WFDC1: variants seen among roughly 807,000 people sequenced by gnomAD.
WFDC1 encodes WAP four-disulfide core domain protein 1.
Under a neutral mutation model 32.9 loss-of-function variants are expected in WFDC1, and 39 were observed. The observed-to-expected ratio is 1.19, with a 90% CI of 0.92 to 1.55. The LOEUF (loss-of-function observed/expected upper bound fraction) is 1.55, where lower values mean the gene tolerates loss of function less well. Among genes scored for constraint, WFDC1 ranks in the 40% most tolerant of loss-of-function variants. The pLI, the probability that WFDC1 is intolerant of heterozygous loss-of-function variation, is 0.00. For synonymous variants in WFDC1, 184 were observed against 137.4 expected (o/e 1.34, Z -2.37); for missense variants, 386 against 309.5 (o/e 1.25, Z -1.85).
At chr16:84,326,763 G>T in intron 5 of WFDC1, 119 bp from the exon 6 acceptor site, 1 of 1,165,958 alleles carries the variant, frequency 8.6e-7, no homozygotes, top group East Asian at 2.4e-5. Flanking sequence ...GACCTCAGCT[G>T]GGGGAGGGAG....
intron 6 of WFDC1, 60 bp from the exon 7 acceptor site, chr16:84,329,259 CCTT>C (rs1349796097): frequency 6.6e-6 from 1 of 152,170 alleles, no homozygotes; most frequent in Admixed American, 6.5e-5. Flanking sequence ...TCACCCTGAC[CCTT>C]CTTTGTCTCT....
At chr16:84,307,241 G>C (rs1267605629) in intron 1 of WFDC1, among the ~76,000 whole-genome samples, 1 of 152,192 alleles carries the variant, frequency 6.6e-6, no homozygotes, top group Non-Finnish European at 1.5e-5. Flanking sequence ...ATAAATTGGA[G>C]GGTAAGCTGT....
chr16:84,325,206 CT>C (rs112261493), intron 5 of WFDC1, among the ~76,000 whole-genome samples: 99,975 of 136,250 alleles, frequency 0.73, 36,648 homozygotes, highest in Non-Finnish European at 0.8. Flanking sequence ...ACCCATCTAC[CT>C]TTTTTTTTTT....
chr16:84,324,759 T>C (rs1462128789), intron 5 of WFDC1, among the ~76,000 whole-genome samples: 1 of 152,120 alleles, frequency 6.6e-6, no homozygotes, highest in Non-Finnish European at 1.5e-5. Context: ...CACTCTTCCA[T>C]TCATCCATCT....
chr16:84,312,453 G>A (rs554653511), intron 1 of WFDC1, among the ~76,000 whole-genome samples: 2 of 152,184 alleles, frequency 1.3e-5, no homozygotes, highest in African/African-American at 4.8e-5. Flanking sequence ...TTTATTTTCT[G>A]AGATGTAGCG....
rs746259538 is a variant in WFDC1 at position 84,319,466 on chromosome 16, C to T, written c.457C>T (p.Pro153Ser). 5.6e-6 allele frequency: 9 copies of T among 1,612,068 alleles called. No homozygotes were observed. The highest frequency in any genetic ancestry group is 3.3e-5 in the Admixed American group (2 of 60,012). Reference protein sequence around the residue: ...ACSTTEDGAEPLLCPSGYECH... With the variant: ...ACSTTEDGAESLLCPSGYECH... Reference sequence around the variant, plus strand: ...CAGCACCACGGAGGATGGGGCCGAACCCCTGCTCTGTCCCTCGGGCTATGA... The same window carrying T: ...CAGCACCACGGAGGATGGGGCCGAATCCCTGCTCTGTCCCTCGGGCTATGA... The change falls in exon 4 of 7, where the codon CCC becomes TCC. Residue 153 changes from proline (P) to serine (S), a missense_variant. Coordinates refer to ENST00000219454, the MANE Select transcript of WFDC1 (RefSeq NM_021197.4).
intron 1 of WFDC1, among the ~76,000 whole-genome samples, chr16:84,306,242 C>G (rs115902199): frequency 1.3e-5 from 2 of 152,190 alleles, no homozygotes; most frequent in African/African-American, 2.4e-5. Flanking sequence ...CAAACCCAGA[C>G]GCGTCAGACT....
intron 1 of WFDC1, among the ~76,000 whole-genome samples, chr16:84,306,046 T>TAAC (rs1567653587): frequency 1.5e-5 from 2 of 137,548 alleles, no homozygotes; most frequent in Non-Finnish European, 3.1e-5. Flanking sequence ...ATAATAATAA[T>TAAC]AAAAGGAATA....
intron 1 of WFDC1, among the ~76,000 whole-genome samples, chr16:84,307,045 T>G (rs1907305941): frequency 2.0e-5 from 3 of 150,430 alleles, no homozygotes; most frequent in Admixed American, 6.6e-5. Flanking sequence ...GCAGATATGG[T>G]GGGTGGGCGG....
At position 84,319,579 on chromosome 16, in the gene WFDC1, T is replaced by A. The variant is rs200510047; in HGVS notation, c.562+8T>A. 2.0e-3 allele frequency: 3,263 copies of A among 1,611,360 alleles called. 4 individuals are homozygous for A. The highest frequency in any genetic ancestry group is 2.6e-3 in the Non-Finnish European group (3,034 of 1,179,784). ...AGCAGCGCCGGCAAGCAGGTGAGTG[T>A]GGCACCCCAGCCCTGATCCTGGCTC... On this transcript the variant is annotated splice_region_variant and intron_variant, in intron 4 of 6. Coordinates refer to ENST00000219454, the MANE Select transcript of WFDC1 (RefSeq NM_021197.4).
At chr16:84,328,754 G>T (rs1908749508) in intron 6 of WFDC1, 1 of 131,382 alleles carries the variant, frequency 7.6e-6, no homozygotes, top group Admixed American at 8.0e-5. Flanking sequence ...AGCCCAGCCT[G>T]GCCTGGCCAA....
intron 1 of WFDC1, among the ~76,000 whole-genome samples, chr16:84,308,765 G>A (rs1182755316): frequency 1.3e-5 from 2 of 151,848 alleles, no homozygotes; most frequent in Non-Finnish European, 2.9e-5. Flanking sequence ...GTAGATGCCA[G>A]CCTGGGTGTA....
At chr16:84,315,198 C>T (rs1250053147) in intron 2 of WFDC1, among the ~76,000 whole-genome samples, 2 of 152,222 alleles carry the variant, frequency 1.3e-5, no homozygotes, top group Non-Finnish European at 1.5e-5. Flanking sequence ...TCCCATGGCT[C>T]ACTTCCTTGC....
intron 1 of WFDC1, among the ~76,000 whole-genome samples, chr16:84,310,845 T>C (rs1907573352): frequency 6.6e-6 from 1 of 152,234 alleles, no homozygotes; most frequent in African/African-American, 2.4e-5. Flanking sequence ...CATGGCTGTC[T>C]ACTATTCCAA....
At chr16:84,317,635 C>T (rs1908040146) in intron 2 of WFDC1, 1 of 152,998 alleles carries the variant, frequency 6.5e-6, no homozygotes, top group Non-Finnish European at 1.5e-5. Flanking sequence ...AAACTTCACC[C>T]ATACACCAAA....
chr16:84,311,449 C>G (rs139808377), intron 1 of WFDC1, among the ~76,000 whole-genome samples: 11 of 144,004 alleles, frequency 7.6e-5, no homozygotes, highest in African/African-American at 2.1e-4. Context: ...AGGATGGTCT[C>G]GATCTCCTGA....
intron 1 of WFDC1, among the ~76,000 whole-genome samples, chr16:84,302,221 G>C (rs1906983052): frequency 1.3e-5 from 2 of 152,092 alleles, no homozygotes; most frequent in Non-Finnish European, 2.9e-5. Context: ...AGGAATAGGG[G>C]GCAGCTGTCT....
rs117674108 is a variant in WFDC1 at position 84,310,884 on chromosome 16, A to C, written c.145-2077A>C. Among the ~76,000 whole-genome samples the C allele has an allele frequency of 8.4e-4, 128 of 152,332 alleles. 1 individual carries two copies. The East Asian group carries it at 0.024, about 29-fold the overall frequency. ...GCAGATATGCCCTATGTACTGGGCCAGCACAAGGGGGCCAGATTTTGAATA... is the reference window on the plus strand; with the variant it reads ...GCAGATATGCCCTATGTACTGGGCCCGCACAAGGGGGCCAGATTTTGAATA... On this transcript the variant is annotated intron_variant, in intron 1 of 6. Coordinates refer to ENST00000219454, the MANE Select transcript of WFDC1 (RefSeq NM_021197.4).
intron 1 of WFDC1, among the ~76,000 whole-genome samples, chr16:84,300,444 C>G (rs1411274356): frequency 6.6e-6 from 1 of 152,248 alleles, no homozygotes; most frequent in Non-Finnish European, 1.5e-5. Context: ...CACTCCCCAG[C>G]TGGGGCTTCC....
Sources: gnomAD v4.1 joint callset for allele counts (sites outside exome capture counted in the v4.1 genomes callset) on GRCh38, gnomAD v4.1.1 for gene constraint, MANE v1.5 for transcripts, NCBI Gene and HGNC (gene_info 2026-07-23, HGNC 2026-07-21) for gene names.